The following DOCK6 variants were observed in gnomAD, a reference collection of about 807,000 sequenced individuals.
DOCK6 encodes dedicator of cytokinesis 6.
A neutral mutation model predicts 230.3 loss-of-function variants in DOCK6; 167 were observed. The ratio of observed to expected loss-of-function variants is 0.73; its 90% confidence interval spans 0.64 to 0.82. The LOEUF is 0.82. DOCK6 is among the 40% of genes least tolerant of loss of function. The pLI is 0.00. For synonymous variants in DOCK6, 1,148 were observed against 1,185.0 expected (o/e 0.97, Z 0.64); for missense variants, 2,598 against 2,825.8 (o/e 0.92, Z 1.83).
rs2079960719 is a variant in DOCK6, at chr19:11,242,343, G to T, written c.1481-136C>A. 4.3e-6 allele frequency: 4 copies of T among 926,966 alleles called. No homozygotes were observed. The Admixed American group carries it at 1.6e-4, about 38-fold the overall frequency. The allele number at this position is 926,966 out of a possible 1,614,324, so 57.4% of individuals were successfully genotyped here. A position where few individuals can be genotyped will look rare whatever the true frequency, so the allele number is the denominator to read the frequency against. Reference sequence around the variant, plus strand: ...GGGGCTGTGTCCCTCAGGCGCCAAGGCCAGAAATTGCCCTCAACTCTGCTG... The same window carrying T: ...GGGGCTGTGTCCCTCAGGCGCCAAGTCCAGAAATTGCCCTCAACTCTGCTG... On this transcript the variant is annotated intron_variant, in intron 13 of 47. Coordinates refer to ENST00000294618, the MANE Select transcript of DOCK6 (RefSeq NM_020812.4).
In DOCK6 at chr19:11,200,198, C is replaced by T; in HGVS notation, c.6101+110G>A. 8.6e-7 allele frequency: 1 copy of T among 1,164,982 alleles called. No homozygotes were observed. Among genetic ancestry groups the T allele is most frequent in the Non-Finnish European group, 1.2e-6 (1 of 855,494 alleles). The allele number at this position is 1,164,982 out of a possible 1,614,324, so 72.2% of individuals were successfully genotyped here. On this transcript the variant is annotated intron_variant, in intron 47 of 47. Coordinates refer to ENST00000294618, the MANE Select transcript of DOCK6 (RefSeq NM_020812.4). This position sits in a 1 kb window ranked among gnomAD's most constrained non-coding sequence, Gnocchi z 4.3. ...GGAAACAAAACAAAGTCCAAGCTAC[C>T]AGCAAACATGTTGCTGTGTATGTGT...
chr19:11,261,645 C>T (rs1281796721), intron 1 of DOCK6, among the ~76,000 whole-genome samples: 1 of 152,170 alleles, frequency 6.6e-6, no homozygotes, highest in East Asian at 1.9e-4. Flanking sequence ...CAGGCTGTGA[C>T]TCTCACAATC....
Position 11,228,926 on chromosome 19 carries a change from G to A in DOCK6, c.2814+14C>T, listed in dbSNP as rs535273217. ...GGGGTCTCTTGCCACCAGGCAGGGA[G>A]GAGGGGGTCTCACCATGAGCTGGAA... On this transcript the variant is annotated intron_variant, in intron 23 of 47. Coordinates refer to ENST00000294618, the MANE Select transcript of DOCK6 (RefSeq NM_020812.4). The A allele has an allele frequency of 6.2e-6, 10 of 1,613,370 alleles. No homozygotes were observed. The South Asian group carries it at 9.9e-5, about 16-fold the overall frequency.
At chr19:11,214,446 C>T (rs1450469346) in intron 33 of DOCK6, 37 bp from the exon 34 acceptor site, 2 of 1,613,360 alleles carry the variant, frequency 1.2e-6, no homozygotes, top group African/African-American at 2.7e-5. Flanking sequence ...GGTGTTAGAG[C>T]CTAGGGTGGT....
chr19:11,224,190 T>TTTTCTTTCTTTCTTTCTTTCTTTC (rs199688091), intron 24 of DOCK6, among the ~76,000 whole-genome samples: 4,768 of 146,288 alleles, frequency 0.033, 117 homozygotes, highest in East Asian at 0.1. Context: ...CTGTAATTAC[T>TTTTCTTTCTTTCTTTCTTTCTTTC]TTTCTTTCTT....
Position 11,200,652 on chromosome 19 carries a change from G to A in DOCK6, c.5939+64C>T. 1 of 1,522,204 alleles carries A rather than the reference G, an allele frequency of 6.6e-7. No homozygotes were observed. The highest frequency in any genetic ancestry group is 8.9e-7 in the Non-Finnish European group (1 of 1,123,846). 94.3% of individuals were successfully genotyped at this position (1,522,204 alleles called of 1,614,324 possible). Reference sequence around the variant, plus strand: ...GGGGAGCCATGCAGAGATCAGATGGGCAGAGAGCAGGCCTATGCAGGTTAG... The same window carrying A: ...GGGGAGCCATGCAGAGATCAGATGGACAGAGAGCAGGCCTATGCAGGTTAG... On this transcript the variant is annotated intron_variant, in intron 46 of 47. Coordinates refer to ENST00000294618, the MANE Select transcript of DOCK6 (RefSeq NM_020812.4). The surrounding 1 kb of genome is among the most constrained non-coding windows in gnomAD (Gnocchi z 4.3).
At chr19:11,225,900 A>G (rs2079656599) in intron 24 of DOCK6, among the ~76,000 whole-genome samples, 1 of 149,392 alleles carries the variant, frequency 6.7e-6, no homozygotes, top group Non-Finnish European at 1.5e-5. Context: ...AAAAATTGCC[A>G]AGTATGTTGG....
rs2080128687 is a variant in DOCK6 at position 11,252,224 on chromosome 19, G to A, written c.402C>T (p.Tyr134=). The A allele has an allele frequency of 1.3e-6, 2 of 1,584,024 alleles. No individual in the cohort carries two copies. Among genetic ancestry groups the A allele is most frequent in the African/African-American group, 1.3e-5 (1 of 74,424 alleles). ...HRRYQYLSAA[Y]SPVTTDTQRE... Reference sequence around the variant, plus strand: ...GCTGTGTGTCTGTGGTGACGGGGCTGTATGCTGCACTCAGGTACTGATACC... The same window carrying A: ...GCTGTGTGTCTGTGGTGACGGGGCTATATGCTGCACTCAGGTACTGATACC... The change falls in exon 5 of 48, where the codon TAC becomes TAT. Residue 134 remains tyrosine, a synonymous_variant. Transcript: ENST00000294618.
chr19:11,252,715 G>A (rs992466930), intron 3 of DOCK6, 68 bp downstream of exon 3: 17 of 1,595,502 alleles, frequency 1.1e-5, no homozygotes, highest in Admixed American at 6.7e-5. Context: ...AGCTGAAGTC[G>A]GGCTGTTGAT....
intron 22 of DOCK6, chr19:11,229,254 G>A: frequency 7.5e-7 from 1 of 1,328,642 alleles, no homozygotes; most frequent in Non-Finnish European, 9.7e-7. Context: ...CCCTTTGCTG[G>A]GGACCAGGAC....
In DOCK6 at chr19:11,213,179, G is replaced by A. The variant is rs967570922; in HGVS notation, c.4488C>T (p.Gly1496=). Reference sequence around the variant, plus strand: ...ATGCCTCCTAGCCCCCACTCACGTGGCCGATCTCGAAGTTCTGTCGCATGA... The same window carrying A: ...ATGCCTCCTAGCCCCCACTCACGTGACCGATCTCGAAGTTCTGTCGCATGA... ...YLLMRQNFEI[G]HNFARVKMQV... is the part of the protein sequence containing the mutation. Residue 1496 remains glycine (G), a synonymous_variant, in exon 35 of 48, where the codon GGC becomes GGT. Transcript: ENST00000294618. 8 of 1,611,322 alleles carry A rather than the reference G, an allele frequency of 5.0e-6. No homozygotes were observed. Among genetic ancestry groups the A allele is most frequent in the Non-Finnish European group, 6.8e-6 (8 of 1,178,584 alleles).
At chr19:11,219,186 T>TG (rs2079543000) in intron 28 of DOCK6, among the ~76,000 whole-genome samples, 1 of 123,242 alleles carries the variant, frequency 8.1e-6, no homozygotes, top group Non-Finnish European at 1.7e-5. Context: ...TTTTTTTTTT[T>TG]TTTTTTTTTT....
At chr19:11,261,183 C>T (rs1489893146) in intron 1 of DOCK6, among the ~76,000 whole-genome samples, 2 of 151,858 alleles carry the variant, frequency 1.3e-5, no homozygotes, top group African/African-American at 4.8e-5. Context: ...CCCCCTCCAG[C>T]TCTCTGTTCC....
In DOCK6 at chr19:11,215,953, C is replaced by A. The variant is rs10403991; in HGVS notation, c.3895-26G>T. The A allele has an allele frequency of 1, 1,612,672 of 1,613,462 alleles. 805,941 individuals carry two copies. The highest frequency in any genetic ancestry group is 1 in the Middle Eastern group (6,050 of 6,050). On this transcript the variant is annotated intron_variant, in intron 30 of 47. Coordinates refer to ENST00000294618, the MANE Select transcript of DOCK6 (RefSeq NM_020812.4). ...CTGGGGGTGCAGAGAACTGGGGTTC[C>A]AGGCTGACTCTGCTCTTTTCGGGGG...
chr19:11,253,459 T>A (rs965945855), intron 2 of DOCK6, among the ~76,000 whole-genome samples, 180 bp downstream of exon 2: 4 of 151,828 alleles, frequency 2.6e-5, no homozygotes, highest in African/African-American at 7.3e-5. Context: ...GCCACAGGAA[T>A]TGGTGAGACT....
In DOCK6 at chr19:11,202,257, T is replaced by C; in HGVS notation, c.5452-132A>G. 2 of 1,384,406 alleles carry C rather than the reference T, an allele frequency of 1.4e-6. No individual in the cohort carries two copies. Among genetic ancestry groups the C allele is most frequent in the Non-Finnish European group, 1.0e-6 (1 of 1,002,902 alleles). The allele number at this position is 1,384,406 out of a possible 1,614,324, so 85.8% of individuals were successfully genotyped here. On this transcript the variant is annotated intron_variant, in intron 43 of 47. Coordinates refer to ENST00000294618, the MANE Select transcript of DOCK6 (RefSeq NM_020812.4). The surrounding 1 kb of genome is among the most constrained non-coding windows in gnomAD (Gnocchi z 5.3). ...TATGTCTGGATGTTTGGGAATCCCC[T>C]GAGGAATAGGTTTTGGGGTCCCTCA...
intron 14 of DOCK6, chr19:11,239,716 C>T (rs761873450): frequency 3.0e-5 from 49 of 1,613,444 alleles, no homozygotes; most frequent in Non-Finnish European, 4.1e-5. Flanking sequence ...CATGGGCGGC[C>T]CAGAACTGGC....
At chr19:11,207,771 A>G (rs1356980389) in intron 39 of DOCK6, among the ~76,000 whole-genome samples, 1 of 151,862 alleles carries the variant, frequency 6.6e-6, no homozygotes, top group Non-Finnish European at 1.5e-5. Context: ...CTACAAAAAA[A>G]TACAAAAAAT....
intron 37 of DOCK6, among the ~76,000 whole-genome samples, chr19:11,210,484 A>C (rs1391489632): frequency 7.6e-4 from 55 of 72,642 alleles, no homozygotes; most frequent in South Asian, 9.5e-4. Context: ...CCACCCCCTC[A>C]CCTGTCTATC....
Sources: allele counts gnomAD v4.1 joint callset (sites outside exome capture counted in the v4.1 genomes callset), GRCh38; gene constraint gnomAD v4.1.1; non-coding constraint Gnocchi (gnomAD v3.1); transcripts MANE v1.5; gene names NCBI Gene and HGNC (gene_info 2026-07-23, HGNC 2026-07-21).